Variants in VDAC1 observed in about 807,000 individuals in gnomAD.
VDAC1 encodes the protein non-selective voltage-gated ion channel VDAC1.
Under a neutral mutation model 34.7 loss-of-function variants are expected in VDAC1, and 10 were observed. That is an observed-to-expected ratio of 0.29 (90% CI 0.18 to 0.49). The LOEUF (loss-of-function observed/expected upper bound fraction) is 0.49. Among genes scored for constraint, VDAC1 ranks in the 20% least tolerant of loss-of-function variants. The pLI is 0.99. For synonymous variants in VDAC1, 130 were observed against 136.0 expected, an observed-to-expected ratio of 0.96 and a Z score of 0.30; for missense variants, 230 against 347.9, an observed-to-expected ratio of 0.66 and a Z score of 2.69.
At chr5:134,021,251 A>G in the VDAC1 span, among the ~76,000 whole-genome samples, 10 of 151,792 alleles carry the variant, frequency 6.6e-5, no homozygotes, top group Admixed American at 1.3e-4. Flanking sequence ...GGTTTGTTAC[A>G]TAGGTATACA....
chr5:134,061,821 A>T, the VDAC1 span, among the ~76,000 whole-genome samples: 1 of 151,828 alleles, frequency 6.6e-6, no homozygotes, highest in Non-Finnish European at 1.5e-5. Context: ...TATCAGTGGT[A>T]GCAGGTAGAT....
the VDAC1 span, among the ~76,000 whole-genome samples, chr5:134,080,613 T>TCACGGAGGTACAGTACCACGGGCAG: frequency 1.3e-5 from 2 of 152,192 alleles, no homozygotes; most frequent in African/African-American, 4.8e-5. Flanking sequence ...GCAGGTTAAG[T>TCACGGAGGTACAGTACCACGGGCAG]GTTGGGGCAC....
chr5:134,040,162 G>T, the VDAC1 span, among the ~76,000 whole-genome samples: 1 of 152,230 alleles, frequency 6.6e-6, no homozygotes, highest in Non-Finnish European at 1.5e-5. Flanking sequence ...CTGGCACGGT[G>T]GCTCACACCT....
chr5:133,980,212 T>G (rs1220207317), intron 6 of VDAC1, among the ~76,000 whole-genome samples: 1 of 152,200 alleles, frequency 6.6e-6, no homozygotes, highest in Non-Finnish European at 1.5e-5. Context: ...CTCAAGGGGC[T>G]CTCTCCTAAC....
At chr5:134,066,298 G>A in the VDAC1 span, among the ~76,000 whole-genome samples, 10 of 152,094 alleles carry the variant, frequency 6.6e-5, no homozygotes, top group African/African-American at 1.4e-4. Flanking sequence ...CACCATGCCC[G>A]GCCGATAGTA....
chr5:134,113,030 G>A, the VDAC1 span, among the ~76,000 whole-genome samples: 1 of 152,304 alleles, frequency 6.6e-6, no homozygotes, highest in African/African-American at 2.4e-5. Flanking sequence ...CTCACCCTAT[G>A]CCAGACCCTA....
chr5:134,029,083 A>G, the VDAC1 span, among the ~76,000 whole-genome samples: 1 of 152,160 alleles, frequency 6.6e-6, no homozygotes, highest in East Asian at 1.9e-4. Flanking sequence ...TTTCACACTG[A>G]AAGTCCCACA....
At chr5:134,024,934 G>A in the VDAC1 span, among the ~76,000 whole-genome samples, 1 of 152,230 alleles carries the variant, frequency 6.6e-6, no homozygotes, top group Non-Finnish European at 1.5e-5. Context: ...AAGCCATCTA[G>A]AAGATTCCAG....
the VDAC1 span, among the ~76,000 whole-genome samples, chr5:134,093,189 T>C: frequency 6.6e-6 from 1 of 152,184 alleles, no homozygotes; most frequent in Admixed American, 6.5e-5. Flanking sequence ...CCTGAAAGGT[T>C]AGATGTAAAG....
intron 5 of VDAC1, among the ~76,000 whole-genome samples, chr5:133,981,845 C>G (rs1040873419): frequency 6.6e-6 from 1 of 152,210 alleles, no homozygotes; most frequent in Non-Finnish European, 1.5e-5. Flanking sequence ...CCACAGGAAG[C>G]TGCATTCTCA....
the VDAC1 span, among the ~76,000 whole-genome samples, chr5:134,030,538 C>T: frequency 1.3e-5 from 2 of 151,916 alleles, no homozygotes; most frequent in Admixed American, 6.6e-5. Context: ...AATAAGAAAG[C>T]TCAGACCAGC....
intron 5 of VDAC1, among the ~76,000 whole-genome samples, chr5:133,984,565 G>T (rs1047564974): frequency 6.6e-6 from 1 of 152,096 alleles, no homozygotes; most frequent in Non-Finnish European, 1.5e-5. Flanking sequence ...GATTACAGGC[G>T]TGAGCCACCT....
At chr5:134,083,734 A>G in the VDAC1 span, among the ~76,000 whole-genome samples, 1 of 152,210 alleles carries the variant, frequency 6.6e-6, no homozygotes, top group African/African-American at 2.4e-5. Context: ...TAGGGTGTGG[A>G]GCAGACAGGA....
At chr5:134,106,098 C>T in the VDAC1 span, among the ~76,000 whole-genome samples, 4 of 152,212 alleles carry the variant, frequency 2.6e-5, no homozygotes, top group East Asian at 1.9e-4. Context: ...TGGAGAGCCC[C>T]GGTCCTGGAG....
the VDAC1 span, among the ~76,000 whole-genome samples, chr5:134,034,956 A>C: frequency 6.6e-6 from 1 of 152,260 alleles, no homozygotes; most frequent in Admixed American, 6.5e-5. Flanking sequence ...GAGGGGGGAC[A>C]TGTAGAAATG....
At chr5:134,078,775 C>G in the VDAC1 span, among the ~76,000 whole-genome samples, 1 of 151,144 alleles carries the variant, frequency 6.6e-6, no homozygotes, top group Non-Finnish European at 1.5e-5. Context: ...CTCAGCCTCC[C>G]AAGTAGCTGG....
chr5:134,097,829 C>T, the VDAC1 span, among the ~76,000 whole-genome samples: 1 of 152,152 alleles, frequency 6.6e-6, no homozygotes, highest in Non-Finnish European at 1.5e-5. Flanking sequence ...CCTCACAGTA[C>T]AAGTCTTGCC....
At chr5:134,104,322 G>A in the VDAC1 span, among the ~76,000 whole-genome samples, 2 of 152,342 alleles carry the variant, frequency 1.3e-5, no homozygotes, top group South Asian at 4.1e-4. Context: ...CTCAGTGGGT[G>A]CAGGGGTGCT....
At chr5:134,093,274 G>T in the VDAC1 span, among the ~76,000 whole-genome samples, 1 of 152,220 alleles carries the variant, frequency 6.6e-6, no homozygotes, top group Non-Finnish European at 1.5e-5. Flanking sequence ...TGGCTTTTGA[G>T]TGCAGTTATA....
Sources: allele counts gnomAD v4.1 joint callset (sites outside exome capture counted in the v4.1 genomes callset), GRCh38; gene constraint gnomAD v4.1.1; transcripts MANE v1.5; gene names NCBI Gene and HGNC (gene_info 2026-07-23, HGNC 2026-07-21).